HDAC2: variants seen among roughly 807,000 people sequenced by gnomAD.
HDAC2 encodes YY1-associated factor 1.
Under a neutral mutation model 68.5 loss-of-function variants are expected in HDAC2, and 5 were observed. The observed-to-expected ratio is 0.07, with a 90% CI of 0.04 to 0.15. HDAC2 has a LOEUF of 0.15. HDAC2 is among the 10% of genes least tolerant of loss of function. HDAC2 has a pLI of 1.00. For missense variants in HDAC2, 291 were observed against 600.8 expected (o/e 0.48, Z 5.39); for synonymous variants, 182 against 191.3 (o/e 0.95, Z 0.40).
intron 5 of HDAC2, among the ~76,000 whole-genome samples, chr6:113,955,147 A>G (rs1445568273): frequency 6.6e-6 from 1 of 152,244 alleles, no homozygotes; most frequent in African/African-American, 2.4e-5. Flanking sequence ...ACTAACTAAA[A>G]TGAAAATTGC....
In HDAC2 at chr6:113,970,520, G is replaced by A. The variant is rs1582504486; in HGVS notation, c.52+337C>T. The A allele has an allele frequency of 2.5e-6, 3 of 1,193,178 alleles. No individual in the cohort carries two copies. In the East Asian group the frequency reaches 1.3e-4, roughly 52 times the overall value. The allele number at this position is 1,193,178 out of a possible 1,614,324, so 73.9% of individuals were successfully genotyped here. On this transcript the variant is annotated intron_variant, in intron 1 of 13. Coordinates refer to ENST00000519065, the MANE Select transcript of HDAC2 (RefSeq NM_001527.4). ...TGGTGGGCGGGAGAAGGGAGAGAAT[G>A]GGCCGCCCCCTTCGCCGCCGCCACC...
At chr6:113,957,198 T>C (rs1776575678) in intron 3 of HDAC2, 1 of 154,170 alleles carries the variant, frequency 6.5e-6, no homozygotes, top group Admixed American at 6.4e-5. Flanking sequence ...ATCTTGAAAG[T>C]TGCTAAGAAT....
At chr6:113,946,303 A>G (rs2114593651) in intron 8 of HDAC2, 155 bp from the exon 9 acceptor site, 1 of 580,378 alleles carries the variant, frequency 1.7e-6, no homozygotes, top group Non-Finnish European at 3.0e-6. Flanking sequence ...TGTCAAGTCT[A>G]AAACTCCTTT....
At chr6:113,962,493 T>C (rs187740098) in intron 1 of HDAC2, 1 of 189,474 alleles carries the variant, frequency 5.3e-6, no homozygotes, top group African/African-American at 2.4e-5. Flanking sequence ...GTACCTAATA[T>C]ATCAGAGTAA....
rs1775953795 is a variant in HDAC2 at position 113,934,304 on chromosome 6, A to G, written c.*6754T>C. The G allele has an allele frequency of 6.6e-6, 1 of 152,230 alleles. No homozygotes were observed. Among genetic ancestry groups the G allele is most frequent in the African/African-American group, 2.4e-5 (1 of 41,456 alleles). 9.4% of individuals were successfully genotyped at this position (152,230 alleles called of 1,614,324 possible). On this transcript the variant is annotated 3_prime_UTR_variant, in exon 14 of 14. Transcript: ENST00000519065. ...CAATTTGTGACATCAGACAGGTAAA[A>G]GACGGAGTGCTGGAAAAGCATGTCA...
chr6:113,945,408 A>C lies in HDAC2; in HGVS notation c.1045T>G (p.Ser349Ala). Reference sequence around the variant, plus strand: ...GGAGTGTTCTGGTTTGTCATGTTTGAAGGACTAATATGCAGTTTGAAGTCT... The same window carrying C: ...GGAGTGTTCTGGTTTGTCATGTTTGCAGGACTAATATGCAGTTTGAAGTCT... ...GPDFKLHISP[S>A]NMTNQNTPEY... The change falls in exon 10 of 14, where the codon TCA becomes GCA. Residue 349 changes from serine to alanine, a missense_variant. Physicochemically the swap from Ser to Ala is moderately conservative, Grantham distance 99. Coordinates refer to ENST00000519065, the MANE Select transcript of HDAC2 (RefSeq NM_001527.4). 6.4e-7 allele frequency: 1 copy of C among 1,565,082 alleles called. No homozygotes were observed. Among genetic ancestry groups the C allele is most frequent in the Non-Finnish European group, 8.8e-7 (1 of 1,135,640 alleles).
intron 12 of HDAC2, 32 bp downstream of exon 12, chr6:113,943,319 T>C (rs1179575875): frequency 3.2e-6 from 5 of 1,562,212 alleles, no homozygotes; most frequent in Non-Finnish European, 4.3e-6. Flanking sequence ...AAATTTACAA[T>C]TAAAACACAA....
chr6:113,949,342 T>C (rs1182794738), intron 6 of HDAC2, 82 bp from the exon 7 acceptor site: 7 of 826,838 alleles, frequency 8.5e-6, no homozygotes, highest in Non-Finnish European at 1.2e-5. Context: ...TTGAAAAGAC[T>C]GAAAGACTAA....
rs1468711634 is a variant in HDAC2 at position 113,933,906 on chromosome 6, A to G, written c.*7152T>C. The stretch of plus-strand genomic sequence containing the variant: ...TATTAAGGATTATATTTAACTTTAC[A>G]TGTTCAAATTAGTATAGTTCCTGTC... On this transcript the variant is annotated 3_prime_UTR_variant, in exon 14 of 14. Transcript: ENST00000519065. 1 of 151,920 alleles carries G rather than the reference A, an allele frequency of 6.6e-6. No homozygotes were observed. Among genetic ancestry groups the G allele is most frequent in the Non-Finnish European group, 1.5e-5 (1 of 67,992 alleles). The allele number at this position is 151,920 out of a possible 1,614,324, so 9.4% of individuals were successfully genotyped here.
intron 1 of HDAC2, among the ~76,000 whole-genome samples, chr6:113,964,487 C>G (rs748577678): frequency 1.5e-4 from 23 of 152,134 alleles, no homozygotes; most frequent in Non-Finnish European, 2.2e-4. Context: ...CAAGGGTTTT[C>G]AGTTCAGCCA....
chr6:113,964,693 T>G (rs531052470), intron 1 of HDAC2, among the ~76,000 whole-genome samples: 2 of 152,240 alleles, frequency 1.3e-5, no homozygotes, highest in African/African-American at 4.8e-5. Context: ...CCCAAATTTC[T>G]ATGTCTAGAC....
In HDAC2 at chr6:113,967,158, TGAGACG is replaced by T. The variant is rs369623306; in HGVS notation, c.52+3693_52+3698del. 2.4e-3 allele frequency among the ~76,000 whole-genome samples: 372 copies of T among 152,294 alleles called. 1 individual carries two copies. Among genetic ancestry groups the T allele is most frequent in the African/African-American group, 8.3e-3 (347 of 41,568 alleles). On this transcript the variant is annotated intron_variant, in intron 1 of 13. Transcript: ENST00000519065. ...GTATCATCTTGGTAACTTTTTTTTTTGAGACGGAGTTTCGCTCTTGTTGCCCATGGC... is the reference window on the plus strand; with the variant it reads ...GTATCATCTTGGTAACTTTTTTTTTTGAGTTTCGCTCTTGTTGCCCATGGC...
Position 113,938,403 on chromosome 6 carries a change from T to C in HDAC2, c.*2655A>G, listed in dbSNP as rs562022689. ...TTTTCTTGACTTGTCTTCTAAGTTT[T>C]TGTTGGTCCACTGAACTAATTTTTT... On this transcript the variant is annotated 3_prime_UTR_variant, in exon 14 of 14. Coordinates refer to ENST00000519065, the MANE Select transcript of HDAC2 (RefSeq NM_001527.4). 1 of 152,234 alleles carries C rather than the reference T, an allele frequency of 6.6e-6. No homozygotes were observed. The highest frequency in any genetic ancestry group is 2.4e-5 in the African/African-American group (1 of 41,470). The allele number at this position is 152,234 out of a possible 1,614,324, so 9.4% of individuals were successfully genotyped here.
intron 1 of HDAC2, among the ~76,000 whole-genome samples, chr6:113,961,045 G>C (rs1776671991): frequency 6.6e-6 from 1 of 152,086 alleles, no homozygotes; most frequent in Non-Finnish European, 1.5e-5. Flanking sequence ...TACTATACCA[G>C]TTTATTGAAG....
chr6:113,938,524 T>G lies in HDAC2; in HGVS notation c.*2534A>C, dbSNP rs1276229130. ...TTAAGAGTTTAGGTTTTTGGTAGTTTTATCTTTTCCTATTTAAATCTTCTA... is the reference window on the plus strand; with the variant it reads ...TTAAGAGTTTAGGTTTTTGGTAGTTGTATCTTTTCCTATTTAAATCTTCTA... On this transcript the variant is annotated 3_prime_UTR_variant, in exon 14 of 14. Coordinates refer to ENST00000519065, the MANE Select transcript of HDAC2 (RefSeq NM_001527.4). 3 of 152,222 alleles carry G rather than the reference T, an allele frequency of 2.0e-5. No homozygotes were observed. The East Asian group carries it at 5.8e-4, about 29-fold the overall frequency. The allele number at this position is 152,222 out of a possible 1,614,324, so 9.4% of individuals were successfully genotyped here. A position where few individuals can be genotyped will look rare whatever the true frequency, so the allele number is the denominator to read the frequency against.
intron 1 of HDAC2, among the ~76,000 whole-genome samples, chr6:113,968,152 TA>T (rs961060266): frequency 7.9e-5 from 12 of 152,210 alleles, no homozygotes; most frequent in African/African-American, 2.9e-4. Context: ...CCAGGAAGCC[TA>T]AAGGTAGGAT....
chr6:113,965,225 C>T (rs954129269), intron 1 of HDAC2, among the ~76,000 whole-genome samples: 1 of 152,190 alleles, frequency 6.6e-6, no homozygotes, highest in Admixed American at 6.5e-5. Flanking sequence ...ATTAAGTGCA[C>T]CAAGTTCTAT....
At position 113,940,967 on chromosome 6, in the gene HDAC2, T is replaced by A; in HGVS notation, c.*91A>T. The A allele has an allele frequency of 9.9e-7, 1 of 1,013,820 alleles. No individual in the cohort carries two copies. Among genetic ancestry groups the A allele is most frequent in the Non-Finnish European group, 1.5e-6 (1 of 669,632 alleles). 62.8% of individuals were successfully genotyped at this position (1,013,820 alleles called of 1,614,324 possible). ...AAATACAGTCCATGCCAAAGTAGTA[T>A]AAAATGAAGCCAGAAGTCTTCAAAA... is the stretch of plus-strand genomic sequence containing the variant. On this transcript the variant is annotated 3_prime_UTR_variant, in exon 14 of 14. Coordinates refer to ENST00000519065, the MANE Select transcript of HDAC2 (RefSeq NM_001527.4).
chr6:113,953,206 A>C (rs896380700), intron 6 of HDAC2, 71 bp downstream of exon 6: 2 of 1,055,392 alleles, frequency 1.9e-6, no homozygotes, highest in Non-Finnish European at 2.8e-6. Flanking sequence ...GAAAAATACT[A>C]CTTCAAGTAT....
Sources: gnomAD v4.1 joint callset for allele counts (sites outside exome capture counted in the v4.1 genomes callset) on GRCh38, gnomAD v4.1.1 for gene constraint, MANE v1.5 for transcripts, NCBI Gene and HGNC (gene_info 2026-07-23, HGNC 2026-07-21) for gene names.